SLC22A3: variants seen among roughly 807,000 people sequenced by gnomAD.
SLC22A3 encodes the protein EMT organic cation transporter 3.
Under a neutral mutation model 59.1 loss-of-function variants are expected in SLC22A3, and 51 were observed. The ratio of observed to expected loss-of-function variants is 0.86; its 90% CI spans 0.69 to 1.09. The LOEUF is 1.09. Ranked by LOEUF, SLC22A3 falls within the 50% of genes least tolerant of loss-of-function variation. SLC22A3 has a pLI of 0.00. For synonymous variants in SLC22A3, 325 were observed against 292.0 expected, an observed-to-expected ratio of 1.11 and a Z score of -1.15; for missense variants, 711 against 726.3, an observed-to-expected ratio of 0.98 and a Z score of 0.24.
intron 1 of SLC22A3, among the ~76,000 whole-genome samples, chr6:160,364,989 TA>T (rs1215565516): frequency 6.6e-6 from 1 of 152,086 alleles, no homozygotes; most frequent in Non-Finnish European, 1.5e-5. Context: ...TTTTACTATG[TA>T]AAAAAATACA....
In SLC22A3 at chr6:160,451,086, T is replaced by C. The variant is rs372759649; in HGVS notation, c.*30T>C. Reference sequence around the variant, plus strand: ...CCCGACAAAGACAGAAAGAAGGAGCTATCCAGGAGCTGATCCTCCTTGCAA... The same window carrying C: ...CCCGACAAAGACAGAAAGAAGGAGCCATCCAGGAGCTGATCCTCCTTGCAA... On this transcript the variant is annotated 3_prime_UTR_variant, in exon 11 of 11. Transcript: ENST00000275300. 7.0e-6 allele frequency: 11 copies of C among 1,574,530 alleles called. No individual in the cohort carries two copies. Among genetic ancestry groups the C allele is most frequent in the Non-Finnish European group, 9.5e-6 (11 of 1,156,026 alleles).
intron 5 of SLC22A3, among the ~76,000 whole-genome samples, chr6:160,422,538 G>C (rs1787781274): frequency 6.6e-6 from 1 of 152,222 alleles, no homozygotes; most frequent in Non-Finnish European, 1.5e-5. Context: ...ATGCAACACA[G>C]AGATGGCTAG....
chr6:160,450,246 C>G (rs535522553), intron 10 of SLC22A3, among the ~76,000 whole-genome samples: 1 of 152,126 alleles, frequency 6.6e-6, no homozygotes, highest in Admixed American at 6.5e-5. Flanking sequence ...CCCCTAGGAA[C>G]GCATTCCTTT....
intron 9 of SLC22A3, among the ~76,000 whole-genome samples, chr6:160,447,371 G>A (rs1788784027): frequency 6.6e-6 from 1 of 152,120 alleles, no homozygotes; most frequent in African/African-American, 2.4e-5. Context: ...TCAGTGAGCG[G>A]GCGCAGAGGG....
rs1441109589 is a variant in SLC22A3 at position 160,426,454 on chromosome 6, T to G, written c.976-10326T>G. The G allele has an allele frequency of 2.3e-5, 16 of 682,960 alleles. No individual in the cohort carries two copies. The South Asian group carries it at 9.9e-4, about 42-fold the overall frequency. 42.3% of individuals were successfully genotyped at this position (682,960 alleles called of 1,614,324 possible). On this transcript the variant is annotated intron_variant, in intron 5 of 10. Transcript: ENST00000275300. The stretch of plus-strand genomic sequence containing the variant: ...CTTGATTTTCTTCTCCCTTTCCTCC[T>G]CTATTCCCACTCTTCCCTCGGCAGG...
At chr6:160,373,878 A>T (rs947008697) in intron 1 of SLC22A3, among the ~76,000 whole-genome samples, 10 of 152,302 alleles carry the variant, frequency 6.6e-5, no homozygotes, top group African/African-American at 2.4e-4. Flanking sequence ...CGAGTGTCCC[A>T]GGTCGATTTC....
intron 2 of SLC22A3, 137 bp from the exon 3 acceptor site, chr6:160,406,904 C>G: frequency 1.9e-6 from 2 of 1,079,432 alleles, no homozygotes; most frequent in Non-Finnish European, 2.5e-6. Context: ...CACCCTGTCT[C>G]TACAAAACAT....
At chr6:160,423,892 T>C (rs944622678) in intron 5 of SLC22A3, among the ~76,000 whole-genome samples, 4 of 152,260 alleles carry the variant, frequency 2.6e-5, no homozygotes, top group Admixed American at 6.5e-5. Context: ...ATGAAGTCCT[T>C]GCCCATGCCT....
chr6:160,359,215 T>C (rs1784939193), intron 1 of SLC22A3, among the ~76,000 whole-genome samples: 1 of 152,044 alleles, frequency 6.6e-6, no homozygotes. Flanking sequence ...CCAACCCAAA[T>C]CCAAATCTAT....
chr6:160,407,168 G>C lies in SLC22A3; in HGVS notation c.661G>C (p.Gly221Arg), dbSNP rs776995039. 6 of 1,611,390 alleles carry C rather than the reference G, an allele frequency of 3.7e-6. No homozygotes were observed. In the Admixed American group the frequency reaches 5.0e-5, roughly 13 times the overall value. The change falls in exon 3 of 11, where the codon GGG becomes CGG. Residue 221 changes from glycine to arginine, a missense_variant. Transcript: ENST00000275300. ...CTTCCTGCAAGGTGTATTTGGAAAG[G>C]GGACGTGGATGACTTGCTACGTGAT... ...FRFLQGVFGK[G>R]TWMTCYVIVT...
intron 5 of SLC22A3, chr6:160,426,230 A>G (rs1362178412): frequency 2.0e-6 from 2 of 985,440 alleles, no homozygotes; most frequent in East Asian, 1.1e-4. Flanking sequence ...TCTGAGTTAC[A>G]TAAGGAAGGC....
chr6:160,433,256 T>C (rs1372973959), intron 5 of SLC22A3, among the ~76,000 whole-genome samples: 2 of 152,190 alleles, frequency 1.3e-5, no homozygotes, highest in Non-Finnish European at 2.9e-5. Context: ...CTGTGGTCAT[T>C]GAGTGACTGG....
chr6:160,375,573 T>G (rs2114783033), intron 1 of SLC22A3, among the ~76,000 whole-genome samples: 1 of 152,302 alleles, frequency 6.6e-6, no homozygotes, highest in African/African-American at 2.4e-5. Context: ...CAGAAAGTGC[T>G]TATGCAGAGC....
intron 5 of SLC22A3, 50 bp from the exon 6 acceptor site, chr6:160,436,730 G>GTTTTTT: frequency 9.8e-7 from 1 of 1,017,398 alleles, no homozygotes; most frequent in Non-Finnish European, 1.5e-6. Flanking sequence ...TACTATGCAG[G>GTTTTTT]TTTTTTTTTT....
At chr6:160,371,647 T>C (rs1424450462) in intron 1 of SLC22A3, among the ~76,000 whole-genome samples, 1 of 152,244 alleles carries the variant, frequency 6.6e-6, no homozygotes, top group Non-Finnish European at 1.5e-5. Flanking sequence ...TAAACATACA[T>C]GTGCAGCGTG....
chr6:160,365,470 G>A (rs539644424), intron 1 of SLC22A3, among the ~76,000 whole-genome samples: 1 of 152,326 alleles, frequency 6.6e-6, no homozygotes, highest in Admixed American at 6.5e-5. Context: ...GATCCAATGG[G>A]TCTGGGGTAG....
chr6:160,390,513 G>A, intron 1 of SLC22A3, among the ~76,000 whole-genome samples: 1 of 152,000 alleles, frequency 6.6e-6, no homozygotes, highest in East Asian at 1.9e-4. Context: ...AGGTTGTCGG[G>A]TCCTCTCTGC....
chr6:160,375,812 C>A lies in SLC22A3; in HGVS notation c.430-22167C>A, dbSNP rs182254303. On this transcript the variant is annotated intron_variant, in intron 1 of 10. Coordinates refer to ENST00000275300, the MANE Select transcript of SLC22A3 (RefSeq NM_021977.4). Reference sequence around the variant, plus strand: ...CAGCAATTTGAAAAAAATTGCATTTCTTTGTTCATGGCTGTTCTCGGGGTT... The same window carrying A: ...CAGCAATTTGAAAAAAATTGCATTTATTTGTTCATGGCTGTTCTCGGGGTT... Among the ~76,000 whole-genome samples the A allele has an allele frequency of 4.6e-5, 7 of 152,130 alleles. No individual in the cohort carries two copies. The East Asian group carries it at 1.4e-3, about 29-fold the overall frequency.
At chr6:160,392,094 G>T (rs1200310501) in intron 1 of SLC22A3, among the ~76,000 whole-genome samples, 1 of 152,086 alleles carries the variant, frequency 6.6e-6, no homozygotes, top group Non-Finnish European at 1.5e-5. Context: ...CTGGTTTCCT[G>T]TCTTGGCCCT....
Sources: gnomAD v4.1 joint callset for allele counts (sites outside exome capture counted in the v4.1 genomes callset) on GRCh38, gnomAD v4.1.1 for gene constraint, MANE v1.5 for transcripts, NCBI Gene and HGNC (gene_info 2026-07-23, HGNC 2026-07-21) for gene names.